The following EBF3 variants were observed in gnomAD, a reference collection of about 807,000 sequenced individuals.
EBF3 encodes the protein EBF transcription factor 3.
Under a neutral mutation model 77.1 loss-of-function variants are expected in EBF3, and 18 were observed. That is an observed-to-expected ratio of 0.23 (90% CI 0.16 to 0.35). The LOEUF is 0.35. EBF3 is among the 10% of genes least tolerant of loss of function. The pLI, the probability that EBF3 is intolerant of heterozygous loss-of-function variation, is 1.00. For synonymous variants in EBF3, 350 were observed against 343.5 expected (o/e 1.02, Z -0.21); for missense variants, 558 against 860.0 (o/e 0.65, Z 4.39).
In EBF3 at chr10:129,917,679, A is replaced by AAAAAAAC. The variant is rs1564887155; in HGVS notation, c.554+39578_554+39579insGTTTTTT. Among the ~76,000 whole-genome samples, 38 of 142,052 alleles carry AAAAAAAC rather than the reference A, an allele frequency of 2.7e-4. 1 individual carries two copies. The highest frequency in any genetic ancestry group is 4.6e-4 in the South Asian group (2 of 4,326). 93.2% of individuals were successfully genotyped at this position (142,052 alleles called of 152,430 possible). A position where few individuals can be genotyped will look rare whatever the true frequency, so the allele number is the denominator to read the frequency against. ...AAAAAAAAAAAAAAAAAAAAAAAAA[A>AAAAAAAC]CTAAAACCAAGCTGAGATTATTTGA... On this transcript the variant is annotated intron_variant, in intron 6 of 16. Transcript: ENST00000440978.
intron 6 of EBF3, among the ~76,000 whole-genome samples, chr10:129,917,679 A>AAAAAAAAAAAAAC (rs1564887155): frequency 1.4e-5 from 2 of 142,082 alleles, no homozygotes; most frequent in South Asian, 2.3e-4. Flanking sequence ...AAAAAAAAAA[A>AAAAAAAAAAAAAC]CTAAAACCAA....
chr10:129,910,980 C>T (rs750979193), intron 6 of EBF3, among the ~76,000 whole-genome samples: 1 of 152,228 alleles, frequency 6.6e-6, no homozygotes, highest in African/African-American at 2.4e-5. Flanking sequence ...CAGAGCTCAG[C>T]GCGGAGGCTC....
intron 6 of EBF3, among the ~76,000 whole-genome samples, chr10:129,919,783 C>CCTT (rs1856140875): frequency 6.6e-6 from 1 of 152,192 alleles, no homozygotes; most frequent in African/African-American, 2.4e-5. Flanking sequence ...CCAAGAGTCT[C>CCTT]CTTCCTGGTG....
chr10:129,940,060 G>A (rs1564909439), intron 6 of EBF3, among the ~76,000 whole-genome samples: 1 of 152,218 alleles, frequency 6.6e-6, no homozygotes, highest in East Asian at 1.9e-4. Context: ...GTGTCCAACA[G>A]GCAAACAGGG....
intron 6 of EBF3, among the ~76,000 whole-genome samples, chr10:129,907,660 C>T (rs1366449053): frequency 6.6e-6 from 1 of 152,094 alleles, no homozygotes; most frequent in African/African-American, 2.4e-5. Context: ...AACAGCGAAA[C>T]ATGTTAAAAA....
intron 10 of EBF3, among the ~76,000 whole-genome samples, chr10:129,850,086 TTAGA>T (rs1468007204): frequency 6.6e-6 from 1 of 152,246 alleles, no homozygotes; most frequent in African/African-American, 2.4e-5. Flanking sequence ...CCAAAAAGGA[TTAGA>T]TAAAGTATTA....
chr10:129,876,293 G>A (rs542061703), intron 7 of EBF3, among the ~76,000 whole-genome samples: 7 of 152,328 alleles, frequency 4.6e-5, no homozygotes, highest in Admixed American at 3.9e-4. Context: ...GTAACTACGG[G>A]GTCTGCAGTC....
chr10:129,957,426 G>A (rs1859127635), intron 5 of EBF3, 100 bp from the exon 6 acceptor site: 1 of 960,792 alleles, frequency 1.0e-6, no homozygotes, highest in Non-Finnish European at 1.6e-6. Flanking sequence ...TGAAGCGGTA[G>A]GAGTCAACTA....
At chr10:129,940,790 C>T (rs552912430) in intron 6 of EBF3, among the ~76,000 whole-genome samples, 15 of 152,258 alleles carry the variant, frequency 9.9e-5, no homozygotes, top group East Asian at 7.8e-4. Context: ...AGGGGAACCG[C>T]GGGGGAGTCT....
chr10:129,930,345 A>G (rs1356023408), intron 6 of EBF3, among the ~76,000 whole-genome samples: 1 of 151,690 alleles, frequency 6.6e-6, no homozygotes, highest in Non-Finnish European at 1.5e-5. Flanking sequence ...ATATCTGTCT[A>G]TATCTATCTC....
At chr10:129,934,509 TC>T (rs1350819020) in intron 6 of EBF3, among the ~76,000 whole-genome samples, 1 of 152,128 alleles carries the variant, frequency 6.6e-6, no homozygotes, top group Admixed American at 6.5e-5. Flanking sequence ...CAGGTCCCCC[TC>T]CTGCTTCCTC....
chr10:129,932,266 A>G (rs923536415), intron 6 of EBF3, among the ~76,000 whole-genome samples: 2 of 152,192 alleles, frequency 1.3e-5, no homozygotes, highest in Non-Finnish European at 2.9e-5. Context: ...TTCGTGGATA[A>G]CCCACTTCTC....
At chr10:129,838,099 C>G in intron 16 of EBF3, 139 bp from the exon 17 acceptor site, 1 of 1,040,790 alleles carries the variant, frequency 9.6e-7, no homozygotes, top group South Asian at 1.5e-5. Context: ...CAGCCTCGGG[C>G]GTGGTTAGGG....
At chr10:129,853,943 C>T (rs142117700) in intron 10 of EBF3, among the ~76,000 whole-genome samples, 9 of 152,230 alleles carry the variant, frequency 5.9e-5, no homozygotes, top group Non-Finnish European at 8.8e-5. Context: ...AATGATTGTG[C>T]GGTGAAGAAT....
At chr10:129,945,348 A>G (rs1858124319) in intron 6 of EBF3, among the ~76,000 whole-genome samples, 2 of 152,092 alleles carry the variant, frequency 1.3e-5, no homozygotes, top group Admixed American at 6.5e-5. Context: ...ACTCGGGAGA[A>G]CCCTAACCGA....
chr10:129,889,946 CTTTTT>C lies in EBF3; in HGVS notation c.555-12102_555-12098del, dbSNP rs10665456. ...AAATGAGCAAAGCCCATTGAAGTGC[CTTTTT>C]TTTTTTTTTTTTTTTTTTTTTTTTT... On this transcript the variant is annotated intron_variant, in intron 6 of 16. Transcript: ENST00000440978. Among the ~76,000 whole-genome samples the C allele has an allele frequency of 6.5e-3, 538 of 82,784 alleles. 3 individuals carry two copies. The highest frequency in any genetic ancestry group is 0.026 in the African/African-American group (507 of 19,204). 54.3% of individuals were successfully genotyped at this position (82,784 alleles called of 152,430 possible). A position where few individuals can be genotyped will look rare whatever the true frequency, so the allele number is the denominator to read the frequency against.
At chr10:129,928,372 A>G (rs1431753187) in intron 6 of EBF3, among the ~76,000 whole-genome samples, 1 of 152,240 alleles carries the variant, frequency 6.6e-6, no homozygotes, top group Admixed American at 6.5e-5. Context: ...ATATTTAAAC[A>G]AAACTGGGAT....
intron 6 of EBF3, among the ~76,000 whole-genome samples, chr10:129,899,732 A>C (rs1854652231): frequency 6.6e-6 from 1 of 152,216 alleles, no homozygotes; most frequent in Non-Finnish European, 1.5e-5. Context: ...AAAAAAGCCA[A>C]GAAAGTCCAG....
At chr10:129,959,248 G>C (rs1007337166) in intron 4 of EBF3, among the ~76,000 whole-genome samples, 40 of 151,910 alleles carry the variant, frequency 2.6e-4, no homozygotes, top group African/African-American at 9.4e-4. Flanking sequence ...GCCTGCGAGG[G>C]GCCTTCGGCT....
Sources: allele counts gnomAD v4.1 joint callset (sites outside exome capture counted in the v4.1 genomes callset), GRCh38; gene constraint gnomAD v4.1.1; transcripts MANE v1.5; gene names NCBI Gene and HGNC (gene_info 2026-07-23, HGNC 2026-07-21).